The following TENM2 variants were observed in gnomAD, a reference collection of about 807,000 sequenced individuals.
The protein encoded by TENM2 is teneurin transmembrane protein 2, also known as teneurin-2.
TENM2 carries 52 observed loss-of-function variants against 245.2 expected under a neutral mutation model. The observed-to-expected ratio is 0.21, with a 90% CI of 0.17 to 0.27. The LOEUF is 0.27. Among genes scored for constraint, TENM2 ranks in the 10% least tolerant of loss-of-function variants. The pLI, the probability that TENM2 is intolerant of heterozygous loss-of-function variation, is 1.00. For synonymous variants in TENM2, 1,363 were observed against 1,438.9 expected (o/e 0.95, Z 1.19); for missense variants, 3,046 against 3,666.8 (o/e 0.83, Z 4.37).
At chr5:167,628,086 A>G (rs1307766043) in intron 2 of TENM2, among the ~76,000 whole-genome samples, 2 of 152,166 alleles carry the variant, frequency 1.3e-5, no homozygotes, top group Non-Finnish European at 2.9e-5. Flanking sequence ...GTTTAACACC[A>G]AGCCTTAGTC....
chr5:167,295,433 G>A (rs1292637128), intron 1 of TENM2, among the ~76,000 whole-genome samples: 1 of 152,118 alleles, frequency 6.6e-6, no homozygotes, highest in African/African-American at 2.4e-5. Flanking sequence ...TGTATAGGAG[G>A]GCTTTGGTGC....
exon 29 of TENM2, chr5:168,262,616 G>A: frequency 6.3e-7 from 1 of 1,591,214 alleles, no homozygotes; most frequent in Non-Finnish European, 8.6e-7. Context: ...CTGGGCCAAG[G>A]AGCAGCAGAA....
chr5:167,194,617 G>A, the TENM2 span, among the ~76,000 whole-genome samples: 1 of 151,996 alleles, frequency 6.6e-6, no homozygotes, highest in Non-Finnish European at 1.5e-5. Context: ...ATGACGGTGA[G>A]AAGGAACAGG....
At chr5:168,208,028 C>G (rs1762503362) in intron 19 of TENM2, among the ~76,000 whole-genome samples, 1 of 152,184 alleles carries the variant, frequency 6.6e-6, no homozygotes, top group South Asian at 2.1e-4. Flanking sequence ...CTGCCCATTC[C>G]AAGTGGTCTT....
At chr5:167,810,145 A>T (rs1352263312) in intron 2 of TENM2, among the ~76,000 whole-genome samples, 1 of 152,122 alleles carries the variant, frequency 6.6e-6, no homozygotes, top group Non-Finnish European at 1.5e-5. Context: ...CTCCTAGTGA[A>T]AAGGTTGAAC....
At chr5:167,522,772 A>G (rs1236564381) in intron 2 of TENM2, among the ~76,000 whole-genome samples, 3 of 151,612 alleles carry the variant, frequency 2.0e-5, no homozygotes, top group African/African-American at 2.4e-5. Flanking sequence ...TAATATTACT[A>G]CTACATCCTA....
At chr5:167,510,681 TGAA>T (rs1347995448) in intron 2 of TENM2, among the ~76,000 whole-genome samples, 2 of 151,118 alleles carry the variant, frequency 1.3e-5, no homozygotes, top group Non-Finnish European at 3.0e-5. Context: ...AGAAAGAAAA[TGAA>T]AGAGAGAGGA....
the TENM2 span, among the ~76,000 whole-genome samples, chr5:167,166,147 A>AT: frequency 6.6e-6 from 1 of 152,176 alleles, no homozygotes; most frequent in Non-Finnish European, 1.5e-5. Flanking sequence ...TCTTATTATT[A>AT]TTTTTTAAAT....
intron 2 of TENM2, among the ~76,000 whole-genome samples, chr5:167,453,337 C>A (rs896878936): frequency 2.0e-5 from 3 of 152,120 alleles, no homozygotes; most frequent in African/African-American, 7.2e-5. Flanking sequence ...AACACATCTT[C>A]CACCAATCTG....
At chr5:167,224,266 T>A in the TENM2 span, among the ~76,000 whole-genome samples, 17 of 152,190 alleles carry the variant, frequency 1.1e-4, no homozygotes, top group African/African-American at 3.8e-4. Context: ...AGCACTTGTC[T>A]AGACCAATAT....
intron 2 of TENM2, among the ~76,000 whole-genome samples, chr5:167,805,462 A>G (rs933152199): frequency 6.6e-6 from 1 of 152,114 alleles, no homozygotes; most frequent in Non-Finnish European, 1.5e-5. Flanking sequence ...CTATAAGTCC[A>G]TGAGGGCACT....
At chr5:168,240,990 A>C (rs1766044194) in intron 25 of TENM2, 1 of 152,272 alleles carries the variant, frequency 6.6e-6, no homozygotes, top group African/African-American at 2.4e-5. Flanking sequence ...GCAGAGGAGA[A>C]GACCTATCTT....
chr5:167,943,305 T>C (rs184346224), intron 3 of TENM2, among the ~76,000 whole-genome samples: 2 of 136,762 alleles, frequency 1.5e-5, no homozygotes, highest in African/African-American at 5.5e-5. Context: ...TCCATTATTC[T>C]GTTCATCAGA....
rs540874055 is a variant in TENM2 at position 167,469,550 on chromosome 5, T to TG, written c.502+94079dup. 2.6e-3 allele frequency among the ~76,000 whole-genome samples: 396 copies of TG among 152,306 alleles called. 1 individual carries two copies. The highest frequency in any genetic ancestry group is 4.4e-3 in the Non-Finnish European group (298 of 67,972). The stretch of plus-strand genomic sequence containing the variant: ...GTTATTGTGTATAACCTTTTAATTG[T>TG]GGCCACAGTTTTTAAAGTGCTTATG... On this transcript the variant is annotated intron_variant, in intron 2 of 28. Transcript: ENST00000518659.
chr5:168,090,187 A>T (rs1451000423), intron 7 of TENM2, among the ~76,000 whole-genome samples: 1 of 148,534 alleles, frequency 6.7e-6, no homozygotes, highest in African/African-American at 2.5e-5. Context: ...GCAGAGGGGG[A>T]CTGGAGCAAC....
the TENM2 span, among the ~76,000 whole-genome samples, chr5:167,158,273 C>T: frequency 5.9e-5 from 9 of 152,292 alleles, no homozygotes; most frequent in African/African-American, 2.2e-4. Context: ...CAACTGCTAC[C>T]AGATCAAGAA....
intron 25 of TENM2, among the ~76,000 whole-genome samples, chr5:168,229,002 A>C (rs976832758): frequency 2.0e-5 from 3 of 147,900 alleles, no homozygotes; most frequent in Non-Finnish European, 3.0e-5. Context: ...CATATATAAT[A>C]CATTATATGT....
intron 13 of TENM2, among the ~76,000 whole-genome samples, chr5:168,170,402 G>A (rs1050408626): frequency 2.0e-5 from 3 of 152,148 alleles, no homozygotes; most frequent in South Asian, 4.1e-4. Context: ...TACTCAGGAA[G>A]CTGAGGCATG....
chr5:167,783,401 C>A (rs1333999129), intron 2 of TENM2, among the ~76,000 whole-genome samples: 3 of 152,074 alleles, frequency 2.0e-5, no homozygotes, highest in Non-Finnish European at 2.9e-5. Flanking sequence ...CCACATGGCA[C>A]TGGCGGCAGA....
Sources: gnomAD v4.1 joint callset for allele counts (sites outside exome capture counted in the v4.1 genomes callset) on GRCh38, gnomAD v4.1.1 for gene constraint, MANE v1.5 for transcripts, NCBI Gene and HGNC (gene_info 2026-07-23, HGNC 2026-07-21) for gene names.